MRAS: variants seen among roughly 807,000 people sequenced by gnomAD.
The protein encoded by MRAS is muscle RAS oncogene homolog, also known as ras-related protein M-Ras.
MRAS carries 4 observed loss-of-function variants against 20.9 expected under a neutral mutation model. That is an observed-to-expected ratio of 0.19 (90% confidence interval 0.09 to 0.44). The LOEUF is 0.44. Ranked by LOEUF, MRAS falls within the 20% of genes least tolerant of loss-of-function variation. The probability of loss-of-function intolerance (pLI) is 0.99; values close to 1 mark genes in which losing one functional copy is unlikely to be tolerated. For synonymous variants in MRAS, 98 were observed against 102.9 expected (o/e 0.95, Z 0.29); for missense variants, 154 against 277.5 (o/e 0.56, Z 3.16).
At chr3:138,366,507 T>G (rs1198143159) in intron 1 of MRAS, among the ~76,000 whole-genome samples, 2 of 152,254 alleles carry the variant, frequency 1.3e-5, no homozygotes, top group African/African-American at 2.4e-5. Flanking sequence ...TCAATAAAGT[T>G]GGCAGCATCT....
chr3:138,355,055 G>A (rs184886834), intron 1 of MRAS, among the ~76,000 whole-genome samples: 9 of 152,188 alleles, frequency 5.9e-5, no homozygotes, highest in Admixed American at 3.3e-4. Context: ...AAAGTGCTGG[G>A]ATTATAGGCA....
At chr3:138,390,925 A>G (rs565716076) in intron 2 of MRAS, among the ~76,000 whole-genome samples, 11 of 152,244 alleles carry the variant, frequency 7.2e-5, no homozygotes, top group Admixed American at 5.2e-4. Context: ...AAAATTTATT[A>G]TTATCAAACT....
chr3:138,396,201 C>T (rs1337725557), intron 2 of MRAS, among the ~76,000 whole-genome samples: 1 of 152,202 alleles, frequency 6.6e-6, no homozygotes, highest in East Asian at 1.9e-4. Flanking sequence ...CAGACCCTCC[C>T]ACAGGGCTTT....
intron 1 of MRAS, among the ~76,000 whole-genome samples, chr3:138,350,662 C>G (rs80276089): frequency 0.037 from 5,630 of 152,264 alleles, 337 homozygotes; most frequent in African/African-American, 0.13. Context: ...ACATAAGACA[C>G]TTTATGACAG....
rs779186323 is a variant in MRAS, at chr3:138,373,101, A to G, written c.193+25A>G. On this transcript the variant is annotated intron_variant, in intron 2 of 5. Coordinates refer to ENST00000423968, the MANE Select transcript of MRAS (RefSeq NM_001085049.3). ...GGTGAGACCTGGGTGGCAGCCCTGCATTGGGTGGGATAGTAGATGGGGAGG... is the reference window on the plus strand; with the variant it reads ...GGTGAGACCTGGGTGGCAGCCCTGCGTTGGGTGGGATAGTAGATGGGGAGG... 1.6e-5 allele frequency: 22 copies of G among 1,418,300 alleles called. No homozygotes were observed. The African/African-American group carries it at 2.8e-4, about 18-fold the overall frequency. The allele number at this position is 1,418,300 out of a possible 1,614,324, so 87.9% of individuals were successfully genotyped here.
rs1054924804 is a variant in MRAS at position 138,372,832 on chromosome 3, C to T, written c.-18-34C>T. 8 of 1,405,840 alleles carry T rather than the reference C, an allele frequency of 5.7e-6. No individual in the cohort carries two copies. The Middle Eastern group carries it at 7.7e-4, about 135-fold the overall frequency. 87.1% of individuals were successfully genotyped at this position (1,405,840 alleles called of 1,614,324 possible). ...ATATTTTCCCCTAAGTTAAAAAAGCCCTCTGTCTCATTCCACATGTCTTGC... is the reference window on the plus strand; with the variant it reads ...ATATTTTCCCCTAAGTTAAAAAAGCTCTCTGTCTCATTCCACATGTCTTGC... On this transcript the variant is annotated intron_variant, in intron 1 of 5. Transcript: ENST00000423968.
intron 2 of MRAS, among the ~76,000 whole-genome samples, chr3:138,388,059 A>G (rs1253500647): frequency 6.6e-6 from 1 of 152,198 alleles, no homozygotes; most frequent in Non-Finnish European, 1.5e-5. Flanking sequence ...TGCCCACTAC[A>G]GGACTTTAGC....
intron 1 of MRAS, among the ~76,000 whole-genome samples, chr3:138,362,703 A>G (rs1356351082): frequency 6.6e-6 from 1 of 152,106 alleles, no homozygotes; most frequent in Admixed American, 6.5e-5. Context: ...ATCACACCCA[A>G]CGCTCTCCCC....
In MRAS at chr3:138,377,850, C is replaced by T. The variant is rs954087357; in HGVS notation, c.193+4774C>T. On this transcript the variant is annotated intron_variant, in intron 2 of 5. Coordinates refer to ENST00000423968, the MANE Select transcript of MRAS (RefSeq NM_001085049.3). ...TGACGGGGTATTGAATGGGCAGAAACTGTGTGGAAGGCCCGTGCTAAGCAC... is the reference window on the plus strand; with the variant it reads ...TGACGGGGTATTGAATGGGCAGAAATTGTGTGGAAGGCCCGTGCTAAGCAC... Among the ~76,000 whole-genome samples, 2 of 152,236 alleles carry T rather than the reference C, an allele frequency of 1.3e-5. 1 individual carries two copies. Among genetic ancestry groups the T allele is most frequent in the Non-Finnish European group, 2.9e-5 (2 of 68,036 alleles).
chr3:138,366,848 G>C (rs533489685), intron 1 of MRAS, among the ~76,000 whole-genome samples: 1 of 152,350 alleles, frequency 6.6e-6, no homozygotes, highest in African/African-American at 2.4e-5. Context: ...AAGTGATGCT[G>C]GGTGGAGTGG....
intron 1 of MRAS, among the ~76,000 whole-genome samples, chr3:138,361,407 G>A (rs531684929): frequency 3.2e-4 from 48 of 152,332 alleles, no homozygotes; most frequent in South Asian, 1.4e-3. Flanking sequence ...AATGCTAGTG[G>A]TGGTTGCTCA....
At chr3:138,371,790 A>G (rs1231776811) in intron 1 of MRAS, among the ~76,000 whole-genome samples, 1 of 144,746 alleles carries the variant, frequency 6.9e-6, no homozygotes, top group Non-Finnish European at 1.5e-5. Flanking sequence ...ACCTGTGTTT[A>G]ACATTTGGTG....
In MRAS at chr3:138,404,423, T is replaced by C. The variant is rs1438396190; in HGVS notation, c.*2154T>C. 2.0e-5 allele frequency: 3 copies of C among 152,224 alleles called. No individual in the cohort carries two copies. Among genetic ancestry groups the C allele is most frequent in the Non-Finnish European group, 4.4e-5 (3 of 68,076 alleles). 9.4% of individuals were successfully genotyped at this position (152,224 alleles called of 1,614,324 possible). On this transcript the variant is annotated 3_prime_UTR_variant, in exon 6 of 6. Transcript: ENST00000423968. ...AACTCCTCGACAGCACTGAGTTTGA[T>C]AGTCTCACTGGAAGCAGATCAGCTG...
chr3:138,400,626 C>T lies in MRAS; in HGVS notation c.527+13C>T. The T allele has an allele frequency of 6.2e-7, 1 of 1,602,240 alleles. No individual in the cohort carries two copies. The highest frequency in any genetic ancestry group is 1.1e-5 in the South Asian group (1 of 90,764). On this transcript the variant is annotated intron_variant, in intron 5 of 5. Transcript: ENST00000423968. ...TTAGAGTAATTAGGTGAGCACTGCCCTCTCCCTAGAAGCGGGCCTCCACAG... is the reference window on the plus strand; with the variant it reads ...TTAGAGTAATTAGGTGAGCACTGCCTTCTCCCTAGAAGCGGGCCTCCACAG...
chr3:138,374,150 A>G (rs1330503328), intron 2 of MRAS, among the ~76,000 whole-genome samples: 1 of 151,722 alleles, frequency 6.6e-6, no homozygotes, highest in Non-Finnish European at 1.5e-5. Context: ...TTTAGTAGAG[A>G]CGGGGTTTCA....
At chr3:138,401,777 A>G (rs573894503) in intron 5 of MRAS, among the ~76,000 whole-genome samples, 4 of 152,366 alleles carry the variant, frequency 2.6e-5, no homozygotes, top group African/African-American at 9.6e-5. Context: ...AAAACATGAA[A>G]TGGCTTTTAC....
intron 2 of MRAS, among the ~76,000 whole-genome samples, chr3:138,385,938 G>A (rs774009): frequency 0.092 from 14,010 of 152,214 alleles, 1,694 homozygotes; most frequent in African/African-American, 0.28. Flanking sequence ...CAGGTGGCAG[G>A]GACCTGGAGC....
At chr3:138,380,125 T>C (rs768686367) in intron 2 of MRAS, among the ~76,000 whole-genome samples, 13 of 152,248 alleles carry the variant, frequency 8.5e-5, no homozygotes, top group Non-Finnish European at 1.6e-4. Context: ...TTTTTTCATA[T>C]ACCTGCTATC....
intron 2 of MRAS, among the ~76,000 whole-genome samples, chr3:138,380,434 T>A (rs2054876479): frequency 6.6e-6 from 1 of 152,096 alleles, no homozygotes; most frequent in South Asian, 2.1e-4. Flanking sequence ...TGCCTCACCC[T>A]CCTGAGGAGC....
Sources: allele counts gnomAD v4.1 joint callset (sites outside exome capture counted in the v4.1 genomes callset), GRCh38; gene constraint gnomAD v4.1.1; transcripts MANE v1.5; gene names NCBI Gene and HGNC (gene_info 2026-07-23, HGNC 2026-07-21).